ACAN: variants seen among roughly 807,000 people sequenced by gnomAD.
The protein encoded by ACAN is aggrecan.
In ACAN, 47 loss-of-function variants were observed where a neutral mutation model predicts 169.1. The ratio of observed to expected loss-of-function variants is 0.28; its 90% CI spans 0.22 to 0.35. The LOEUF is 0.35. Ranked by LOEUF, ACAN falls within the 10% of genes least tolerant of loss-of-function variation. The pLI is 1.00. For synonymous variants in ACAN, 1,115 were observed against 1,112.2 expected (o/e 1.00, Z -0.05); for missense variants, 2,716 against 2,759.9 (o/e 0.98, Z 0.36).
rs1463722385 is a variant in ACAN at position 88,849,513 on chromosome 15, C to T, written c.1808C>T (p.Ala603Val). The T allele has an allele frequency of 1.2e-6, 2 of 1,607,480 alleles. No individual in the cohort carries two copies. Among genetic ancestry groups the T allele is most frequent in the African/African-American group, 1.3e-5 (1 of 74,812 alleles). ...CTGGAGTTCTGTGAATCTCACAATG[C>T]TACGCTGGCCACCACGGGCCAGCTC... ...EALEFCESHN[A>V]TLATTGQLYA... The change falls in exon 10 of 19, where the codon GCT becomes GTT. Residue 603 changes from alanine (A) to valine (V), a missense_variant. Around this residue, in one of 3 missense-constraint regions of ACAN, gnomAD observed 1,283 missense variants for 1,281.5 expected, o/e 1.00. Coordinates refer to ENST00000560601, the MANE Select transcript of ACAN (RefSeq NM_001369268.1). The surrounding 1 kb of genome is among the most constrained non-coding windows in gnomAD (Gnocchi z 5.1).
chr15:88,868,401 T>C lies in ACAN; in HGVS notation c.7060+72T>C. 1 of 665,404 alleles carries C rather than the reference T, an allele frequency of 1.5e-6. No homozygotes were observed. The highest frequency in any genetic ancestry group is 2.1e-5 in the Admixed American group (1 of 47,112). 41.2% of individuals were successfully genotyped at this position (665,404 alleles called of 1,614,324 possible). On this transcript the variant is annotated intron_variant, in intron 14 of 18. Coordinates refer to ENST00000560601, the MANE Select transcript of ACAN (RefSeq NM_001369268.1). The surrounding 1 kb of genome is among the most constrained non-coding windows in gnomAD (Gnocchi z 5.2). ...CTCCTCCTCCCTCACCTTTCCCTCC[T>C]AACAACAGGCTCCAGGCCCTGGCTG...
intron 1 of ACAN, among the ~76,000 whole-genome samples, chr15:88,825,312 G>C (rs1596120954): frequency 1.3e-5 from 2 of 152,138 alleles, no homozygotes; most frequent in Admixed American, 1.3e-4. Flanking sequence ...TCTGGTGGGT[G>C]ACTTGGAAGG....
At chr15:88,818,922 A>G (rs1475423485) in intron 1 of ACAN, among the ~76,000 whole-genome samples, 1 of 152,214 alleles carries the variant, frequency 6.6e-6, no homozygotes, top group Non-Finnish European at 1.5e-5. Flanking sequence ...TATGTTATGT[A>G]TATTTTACCA....
Position 88,843,300 on chromosome 15 carries a change from C to CATTAAAAAAA in ACAN, c.758-54_758-53insTTAAAAAAAA. 2 of 1,370,724 alleles carry CATTAAAAAAA rather than the reference C, an allele frequency of 1.5e-6. No individual in the cohort carries two copies. Among genetic ancestry groups the CATTAAAAAAA allele is most frequent in the East Asian group, 2.6e-5 (1 of 38,872 alleles). 84.9% of individuals were successfully genotyped at this position (1,370,724 alleles called of 1,614,324 possible). ...AAAAGTGTGGATCTCTCTGGGGATG[C>CATTAAAAAAA]AGAGCAGGGGGAGGGGGGAGAAGAC... On this transcript the variant is annotated intron_variant, in intron 5 of 18. Coordinates refer to ENST00000560601, the MANE Select transcript of ACAN (RefSeq NM_001369268.1). The surrounding 1 kb of genome is among the most constrained non-coding windows in gnomAD (Gnocchi z 4.0).
Position 88,814,527 on chromosome 15 carries a change from C to T in ACAN, c.-8+10718C>T, listed in dbSNP as rs375945202. 3.8e-4 allele frequency among the ~76,000 whole-genome samples: 58 copies of T among 152,308 alleles called. No homozygotes were observed. Among genetic ancestry groups the T allele is most frequent in the African/African-American group, 1.3e-3 (52 of 41,560 alleles). On this transcript the variant is annotated intron_variant, in intron 1 of 18. Transcript: ENST00000560601. This position sits in a 1 kb window ranked among gnomAD's most constrained non-coding sequence, Gnocchi z 4.0. ...GCTAGCTGAGGGACAGGACAGATGA[C>T]GAAAGCCAGGGCTGGCTCCTGATAG...
In ACAN at chr15:88,847,649, C is replaced by T. The variant is rs556930838; in HGVS notation, c.1604+232C>T. On this transcript the variant is annotated intron_variant, in intron 8 of 18. Transcript: ENST00000560601. ...GAGGCAGCAGCCCCCTCCTCAAGTGCCCCGTTCCCCTCCAGCCTGACCCAG... is the reference window on the plus strand; with the variant it reads ...GAGGCAGCAGCCCCCTCCTCAAGTGTCCCGTTCCCCTCCAGCCTGACCCAG... Among the ~76,000 whole-genome samples the T allele has an allele frequency of 4.6e-5, 7 of 152,326 alleles. No homozygotes were observed. The South Asian group carries it at 1.2e-3, about 27-fold the overall frequency.
rs569119258 is a variant in ACAN at position 88,838,700 on chromosome 15, G to A, written c.108G>A (p.Pro36=). 159 of 1,602,494 alleles carry A rather than the reference G, an allele frequency of 9.9e-5. No homozygotes were observed. In the East Asian group the frequency reaches 2.0e-3, roughly 20 times the overall value. Reference sequence around the variant, plus strand: ...CGCTGAGTGTCAGCATCCCCCAACCGTCCCCGCTGAGGGTCCTCCTGGGGA... The same window carrying A: ...CGCTGAGTGTCAGCATCCCCCAACCATCCCCGCTGAGGGTCCTCCTGGGGA... ...DNSLSVSIPQ[P]SPLRVLLGTS... is the part of the protein sequence containing the mutation. The change falls in exon 3 of 19, where the codon CCG becomes CCA. Residue 36 remains proline, a synonymous_variant. Transcript: ENST00000560601. This position sits in a 1 kb window ranked among gnomAD's most constrained non-coding sequence, Gnocchi z 5.1.
rs948886016 is a variant in ACAN, at chr15:88,820,296, G to A, written c.-7-15904G>A. 3.9e-5 allele frequency among the ~76,000 whole-genome samples: 6 copies of A among 152,242 alleles called. No individual in the cohort carries two copies. In the East Asian group the frequency reaches 5.8e-4, roughly 15 times the overall value. ...GGCAGCACGTGCTCCTGCTGTGATC[G>A]AGGACGGCAAACTGGATCATAATAG... On this transcript the variant is annotated intron_variant, in intron 1 of 18. Coordinates refer to ENST00000560601, the MANE Select transcript of ACAN (RefSeq NM_001369268.1).
chr15:88,872,208 C>G lies in ACAN; in HGVS notation c.7302+123C>G, dbSNP rs1825636763. 2 of 824,312 alleles carry G rather than the reference C, an allele frequency of 2.4e-6. No homozygotes were observed. The highest frequency in any genetic ancestry group is 2.1e-5 in the Admixed American group (1 of 48,316). 51.1% of individuals were successfully genotyped at this position (824,312 alleles called of 1,614,324 possible). ...CTTACCAGCTGCTGGACCGGGAACC[C>G]TTGAGGGCAGGGATTATCTCCTTCA... On this transcript the variant is annotated intron_variant, in intron 16 of 18. Coordinates refer to ENST00000560601, the MANE Select transcript of ACAN (RefSeq NM_001369268.1). The surrounding 1 kb of genome is among the most constrained non-coding windows in gnomAD (Gnocchi z 5.4).
At position 88,843,759 on chromosome 15, in the gene ACAN, G is replaced by A. The variant is rs965793132; in HGVS notation, c.1051+111G>A. ...TGGTTTTTGCCCTTGAAGGGGCCACGGGGTACCTGAACCCCATGTTTTTAG... is the reference window on the plus strand; with the variant it reads ...TGGTTTTTGCCCTTGAAGGGGCCACAGGGTACCTGAACCCCATGTTTTTAG... On this transcript the variant is annotated intron_variant, in intron 6 of 18. Transcript: ENST00000560601. This position sits in a 1 kb window ranked among gnomAD's most constrained non-coding sequence, Gnocchi z 4.0. The A allele has an allele frequency of 5.8e-5, 78 of 1,351,748 alleles. 1 individual carries two copies. In the Admixed American group the frequency reaches 8.8e-4, roughly 15 times the overall value. 83.7% of individuals were successfully genotyped at this position (1,351,748 alleles called of 1,614,324 possible).
rs1026663279 is a variant in ACAN, at chr15:88,871,513, A to G, written c.7192A>G (p.Thr2398Ala). 2.5e-6 allele frequency: 4 copies of G among 1,613,262 alleles called. No individual in the cohort carries two copies. The highest frequency in any genetic ancestry group is 2.5e-6 in the Non-Finnish European group (3 of 1,179,736). Residue 2398 changes from threonine (T) to alanine (A), a missense_variant, in exon 15 of 19, where the codon ACC (threonine) becomes GCC (alanine). Coordinates refer to ENST00000560601, the MANE Select transcript of ACAN (RefSeq NM_001369268.1). This position sits in a 1 kb window ranked among gnomAD's most constrained non-coding sequence, Gnocchi z 7.8. ...EQQSHLSSIV[T>A]PEEQEFVNNN... ...GCAGTCACACCTGAGCAGCATCGTC[A>G]CCCCCGAGGAGCAGGAGTTTGTCAA...
In ACAN at chr15:88,851,007, A is replaced by G. The variant is rs890524163; in HGVS notation, c.2027-787A>G. 6 of 151,142 alleles carry G rather than the reference A, an allele frequency of 4.0e-5. No individual in the cohort carries two copies. The highest frequency in any genetic ancestry group is 1.9e-4 in the East Asian group (1 of 5,154). 9.4% of individuals were successfully genotyped at this position (151,142 alleles called of 1,614,324 possible). ...AATAAGTCAAGTCCAATTCTCTCCC[A>G]GAGGCTTTGATGAGGCTCTTGTCCC... On this transcript the variant is annotated intron_variant, in intron 10 of 18. Transcript: ENST00000560601. This position sits in a 1 kb window ranked among gnomAD's most constrained non-coding sequence, Gnocchi z 4.3.
chr15:88,809,396 G>A (rs534191231), intron 1 of ACAN, among the ~76,000 whole-genome samples: 111 of 152,270 alleles, frequency 7.3e-4, no homozygotes, highest in African/African-American at 2.6e-3. Context: ...TTTATAACAC[G>A]GAGATGCTAA....
Position 88,845,660 on chromosome 15 carries a change from C to G in ACAN, c.1207C>G (p.Pro403Ala). The change falls in exon 7 of 19, where the codon CCC becomes GCC. Residue 403 changes from proline (P) to alanine (A), a missense_variant. Transcript: ENST00000560601. ...AGGCAGCGTGATCCTTACCGTAAAG[C>G]CCATCTTCGAGGTCTCCCCCAGTCC... ...ARGSVILTVKPIFEVSPSPLE... is the reference protein window; with the variant it reads ...ARGSVILTVKAIFEVSPSPLE... The G allele has an allele frequency of 1.2e-6, 2 of 1,614,052 alleles. No homozygotes were observed. The highest frequency in any genetic ancestry group is 1.7e-6 in the Non-Finnish European group (2 of 1,179,898).
At chr15:88,833,318 A>G (rs1373397179) in intron 1 of ACAN, among the ~76,000 whole-genome samples, 1 of 152,124 alleles carries the variant, frequency 6.6e-6, no homozygotes, top group Non-Finnish European at 1.5e-5. Flanking sequence ...CTGGTGATGA[A>G]CCCAAACCAC....
intron 1 of ACAN, among the ~76,000 whole-genome samples, chr15:88,821,884 C>T (rs922637601): frequency 1.3e-5 from 2 of 152,168 alleles, no homozygotes; most frequent in African/African-American, 4.8e-5. Flanking sequence ...CGGTTTATTA[C>T]AGCAAAAGGA....
chr15:88,853,171 C>G (rs1344371640), intron 11 of ACAN, among the ~76,000 whole-genome samples: 4 of 152,202 alleles, frequency 2.6e-5, no homozygotes, highest in Non-Finnish European at 5.9e-5. Context: ...TTGCACAGGA[C>G]TCTGGCAACC....
At position 88,845,199 on chromosome 15, in the gene ACAN, C is replaced by T. The variant is rs78061868; in HGVS notation, c.1052-306C>T. ...GCTCATGAGACGAGTGAAGCAGCAG[C>T]TGTGTTGAGCAGGAAGGGCTGTTGG... On this transcript the variant is annotated intron_variant, in intron 6 of 18. Coordinates refer to ENST00000560601, the MANE Select transcript of ACAN (RefSeq NM_001369268.1). Among the ~76,000 whole-genome samples, 87 of 152,360 alleles carry T rather than the reference C, an allele frequency of 5.7e-4. No individual in the cohort carries two copies. The East Asian group carries it at 0.014, about 24-fold the overall frequency.
At position 88,837,153 on chromosome 15, in the gene ACAN, G is replaced by A. The variant is rs377096445; in HGVS notation, c.70+877G>A. Among the ~76,000 whole-genome samples the A allele has an allele frequency of 2.0e-5, 3 of 152,172 alleles. No individual in the cohort carries two copies. In the East Asian group the frequency reaches 5.8e-4, roughly 29 times the overall value. ...CTGGTGGGAGCCACCCTGGGCCCAA[G>A]GGAGGGGCCAAGGAGTGGCTGTTTG... On this transcript the variant is annotated intron_variant, in intron 2 of 18. Transcript: ENST00000560601.
Sources: allele counts gnomAD v4.1 joint callset (sites outside exome capture counted in the v4.1 genomes callset), GRCh38; gene constraint gnomAD v4.1.1; regional missense constraint gnomAD v4.1.1; non-coding constraint Gnocchi (gnomAD v3.1); transcripts MANE v1.5; gene names NCBI Gene and HGNC (gene_info 2026-07-23, HGNC 2026-07-21).